Variants in SORCS3 observed in about 807,000 individuals in gnomAD.
SORCS3 encodes sortilin related VPS10 domain containing receptor 3.
In SORCS3, 57 loss-of-function variants were observed where a neutral mutation model predicts 146.3. That is an observed-to-expected ratio of 0.39 (90% CI 0.31 to 0.49). The LOEUF is 0.49. Ranked by LOEUF, SORCS3 falls within the 20% of genes least tolerant of loss-of-function variation. The pLI, the probability that SORCS3 is intolerant of heterozygous loss-of-function variation, is 0.92. For synonymous variants in SORCS3, 653 were observed against 618.5 expected, an observed-to-expected ratio of 1.06 and a Z score of -0.83; for missense variants, 1,341 against 1,575.5, an observed-to-expected ratio of 0.85 and a Z score of 2.52.
At chr10:104,991,255 T>A (rs945914799) in intron 4 of SORCS3, among the ~76,000 whole-genome samples, 1 of 152,138 alleles carries the variant, frequency 6.6e-6, no homozygotes, top group African/African-American at 2.4e-5. Flanking sequence ...TACCACAGAC[T>A]GAGTGGCTTA....
chr10:105,063,719 G>A (rs1589615137), intron 5 of SORCS3, among the ~76,000 whole-genome samples: 1 of 152,208 alleles, frequency 6.6e-6, no homozygotes, highest in African/African-American at 2.4e-5. Flanking sequence ...CACACTTGGA[G>A]CACTGTGGGG....
intron 17 of SORCS3, among the ~76,000 whole-genome samples, chr10:105,211,496 G>A (rs1289416809): frequency 1.3e-5 from 2 of 152,176 alleles, no homozygotes; most frequent in Non-Finnish European, 2.9e-5. Context: ...CATAGTTACT[G>A]TTTTGGTTAA....
chr10:105,230,337 G>A (rs910486856), intron 20 of SORCS3, among the ~76,000 whole-genome samples: 9 of 152,112 alleles, frequency 5.9e-5, no homozygotes, highest in African/African-American at 2.2e-4. Flanking sequence ...TGGGGAGTGG[G>A]AGTGGTTATG....
At chr10:105,212,768 ATGATATCAAGTT>A (rs1056698330) in intron 17 of SORCS3, among the ~76,000 whole-genome samples, 1 of 152,204 alleles carries the variant, frequency 6.6e-6, no homozygotes, top group South Asian at 2.1e-4. Context: ...AGAAGAGTAG[ATGATATCAAGTT>A]TGTGTTAGGA....
intron 3 of SORCS3, among the ~76,000 whole-genome samples, chr10:104,947,502 C>T (rs975327165): frequency 1.3e-5 from 2 of 152,128 alleles, no homozygotes; most frequent in East Asian, 1.9e-4. Context: ...GGTCCTTTCA[C>T]GGGCTGCGAG....
chr10:104,909,021 G>A (rs909636162), intron 2 of SORCS3, among the ~76,000 whole-genome samples: 1 of 152,134 alleles, frequency 6.6e-6, no homozygotes, highest in Non-Finnish European at 1.5e-5. Context: ...AGCAGGGTGA[G>A]AACATGACTC....
chr10:104,810,895 A>G (rs1456876388), intron 1 of SORCS3, among the ~76,000 whole-genome samples: 1 of 152,202 alleles, frequency 6.6e-6, no homozygotes, highest in Non-Finnish European at 1.5e-5. Flanking sequence ...GATAGTGCCT[A>G]GGGAGAAATA....
chr10:105,138,296 G>A (rs932134780), intron 7 of SORCS3, among the ~76,000 whole-genome samples: 1 of 151,834 alleles, frequency 6.6e-6, no homozygotes, highest in Non-Finnish European at 1.5e-5. Context: ...CAGAGCAAGG[G>A]GTAGCCGTGG....
At chr10:104,864,616 G>T (rs183700212) in intron 2 of SORCS3, among the ~76,000 whole-genome samples, 1 of 152,282 alleles carries the variant, frequency 6.6e-6, no homozygotes, top group African/African-American at 2.4e-5. Flanking sequence ...TGCTGGTCCA[G>T]TTGGGTGCTC....
At chr10:104,718,124 C>T (rs193272262) in intron 1 of SORCS3, among the ~76,000 whole-genome samples, 4 of 151,616 alleles carry the variant, frequency 2.6e-5, no homozygotes, top group African/African-American at 4.8e-5. Flanking sequence ...CCAGCCTGAG[C>T]GACAGAGTGA....
In SORCS3 at chr10:105,182,230, C is replaced by CTTTTTTTTTTTTTTTTTTTT. The variant is rs11340368; in HGVS notation, c.2009+4061_2009+4080dup. ...CAGCCAACTTGTGACTATTCAGCAT[C>CTTTTTTTTTTTTTTTTTTTT]TTTTTTTTTTTTTTTTTTTTTTTGT... On this transcript the variant is annotated intron_variant, in intron 14 of 26. Coordinates refer to ENST00000369701, the MANE Select transcript of SORCS3 (RefSeq NM_014978.3). 1.2e-3 allele frequency among the ~76,000 whole-genome samples: 82 copies of CTTTTTTTTTTTTTTTTTTTT among 70,468 alleles called. 8 individuals carry two copies. The highest frequency in any genetic ancestry group is 1.5e-3 in the Admixed American group (8 of 5,218). 46.2% of individuals were successfully genotyped at this position (70,468 alleles called of 152,430 possible). A position where few individuals can be genotyped will look rare whatever the true frequency, so the allele number is the denominator to read the frequency against.
At chr10:104,794,180 G>A (rs1040462895) in intron 1 of SORCS3, among the ~76,000 whole-genome samples, 8 of 152,112 alleles carry the variant, frequency 5.3e-5, no homozygotes, top group African/African-American at 1.2e-4. Context: ...GAGCAGTCAC[G>A]ATTCCAAATA....
At chr10:104,713,128 CGTGT>C (rs5787541) in intron 1 of SORCS3, among the ~76,000 whole-genome samples, 125 of 148,990 alleles carry the variant, frequency 8.4e-4, no homozygotes, top group Admixed American at 1.0e-3. Flanking sequence ...AGTGTGTGTG[CGTGT>C]GTGTGTGTGT....
chr10:104,773,165 CT>C (rs937994159), intron 1 of SORCS3, among the ~76,000 whole-genome samples: 1 of 152,160 alleles, frequency 6.6e-6, no homozygotes, highest in African/African-American at 2.4e-5. Flanking sequence ...GTCAGTGAGG[CT>C]GGAGAGGTGA....
chr10:104,784,205 T>G (rs968659304), intron 1 of SORCS3, among the ~76,000 whole-genome samples: 2 of 152,156 alleles, frequency 1.3e-5, no homozygotes, highest in Non-Finnish European at 2.9e-5. Context: ...GGTTCTCACC[T>G]CGGGTGATTT....
At chr10:104,820,585 G>A (rs2017861368) in intron 1 of SORCS3, among the ~76,000 whole-genome samples, 1 of 152,072 alleles carries the variant, frequency 6.6e-6, no homozygotes, top group Admixed American at 6.6e-5. Context: ...TGAACAAAAT[G>A]CTCTGCTTTT....
At chr10:104,815,150 C>T (rs1489916713) in intron 1 of SORCS3, among the ~76,000 whole-genome samples, 1 of 152,114 alleles carries the variant, frequency 6.6e-6, no homozygotes, top group Non-Finnish European at 1.5e-5. Context: ...TCAGTTATCA[C>T]CACTGTAAAG....
At chr10:104,949,597 G>T (rs968910813) in intron 3 of SORCS3, among the ~76,000 whole-genome samples, 4 of 152,170 alleles carry the variant, frequency 2.6e-5, no homozygotes, top group African/African-American at 7.2e-5. Flanking sequence ...AGACAAGATA[G>T]GTTATAAGGA....
At chr10:104,672,561 C>A (rs2015867943) in intron 1 of SORCS3, among the ~76,000 whole-genome samples, 1 of 151,938 alleles carries the variant, frequency 6.6e-6, no homozygotes, top group Non-Finnish European at 1.5e-5. Flanking sequence ...TGAGATCTTT[C>A]CTGTTTTTTA....
Sources: allele counts gnomAD v4.1 joint callset (sites outside exome capture counted in the v4.1 genomes callset), GRCh38; gene constraint gnomAD v4.1.1; transcripts MANE v1.5; gene names NCBI Gene and HGNC (gene_info 2026-07-23, HGNC 2026-07-21).